The following DOCK3 variants were observed in gnomAD, a reference collection of about 807,000 sequenced individuals.
The protein encoded by DOCK3 is dedicator of cytokinesis 3.
DOCK3 carries 60 observed loss-of-function variants against 265.6 expected under a neutral mutation model. That is an observed-to-expected ratio of 0.23 (90% CI 0.18 to 0.28). DOCK3 has a LOEUF of 0.28. Among genes scored for constraint, DOCK3 ranks in the 10% least tolerant of loss-of-function variants. The pLI, the probability that DOCK3 is intolerant of heterozygous loss-of-function variation, is 1.00. For missense variants in DOCK3, 1,981 were observed against 2,594.3 expected (o/e 0.76, Z 5.14); for synonymous variants, 881 against 938.0 (o/e 0.94, Z 1.11).
At chr3:50,783,950 C>CTCCG (rs2042055234) in intron 2 of DOCK3, among the ~76,000 whole-genome samples, 1 of 151,736 alleles carries the variant, frequency 6.6e-6, no homozygotes, top group South Asian at 2.1e-4. Context: ...TCACCGCAAC[C>CTCCG]TCCGCCTCCC....
intron 1 of DOCK3, among the ~76,000 whole-genome samples, chr3:50,769,553 G>T (rs1467121949): frequency 6.6e-6 from 1 of 152,124 alleles, no homozygotes; most frequent in African/African-American, 2.4e-5. Flanking sequence ...GTTCACACCT[G>T]TAATCCTAGC....
intron 1 of DOCK3, among the ~76,000 whole-genome samples, chr3:50,750,865 C>A (rs1391096405): frequency 6.6e-6 from 1 of 152,094 alleles, no homozygotes; most frequent in East Asian, 1.9e-4. Flanking sequence ...CCAAGCAAAA[C>A]ATAATTAAAA....
intron 5 of DOCK3, among the ~76,000 whole-genome samples, chr3:51,039,831 A>G (rs1379061339): frequency 6.7e-6 from 1 of 149,380 alleles, no homozygotes; most frequent in Non-Finnish European, 1.5e-5. Flanking sequence ...GAAATTCTGA[A>G]TAGAAATGTA....
intron 1 of DOCK3, among the ~76,000 whole-genome samples, chr3:50,693,360 C>CA (rs1438589877): frequency 6.6e-6 from 1 of 152,076 alleles, no homozygotes; most frequent in Non-Finnish European, 1.5e-5. Flanking sequence ...AATCAGTTAA[C>CA]ATAGGCTATC....
chr3:50,972,901 T>C (rs1271185444), intron 5 of DOCK3, among the ~76,000 whole-genome samples: 5 of 142,710 alleles, frequency 3.5e-5, no homozygotes, highest in Non-Finnish European at 7.8e-5. Flanking sequence ...TTTTTTTTTT[T>C]AATTCCATAC....
chr3:51,287,513 T>C (rs1344272216), intron 27 of DOCK3, among the ~76,000 whole-genome samples: 1 of 152,184 alleles, frequency 6.6e-6, no homozygotes, highest in Non-Finnish European at 1.5e-5. Flanking sequence ...TGTACCACAG[T>C]TCTCCCACGT....
At chr3:50,795,293 G>A (rs923045956) in intron 2 of DOCK3, among the ~76,000 whole-genome samples, 1 of 152,144 alleles carries the variant, frequency 6.6e-6, no homozygotes, top group African/African-American at 2.4e-5. Context: ...GTTGGAGGAA[G>A]CTCTCATTGT....
intron 21 of DOCK3, 147 bp from the exon 22 acceptor site, chr3:51,246,579 T>C (rs2078853384): frequency 1.5e-6 from 1 of 672,012 alleles, no homozygotes; most frequent in Non-Finnish European, 2.6e-6. Flanking sequence ...GTGACCTGAA[T>C]AGTCCAAAGC....
intron 9 of DOCK3, among the ~76,000 whole-genome samples, chr3:51,124,258 C>T (rs959499096): frequency 7.2e-5 from 11 of 152,156 alleles, no homozygotes; most frequent in African/African-American, 2.7e-4. Flanking sequence ...AGTACAGGGT[C>T]CTTTGTCTCA....
At chr3:50,957,672 C>T (rs2076766077) in intron 5 of DOCK3, among the ~76,000 whole-genome samples, 1 of 152,170 alleles carries the variant, frequency 6.6e-6, no homozygotes, top group African/African-American at 2.4e-5. Flanking sequence ...ATCTATGACA[C>T]TCAGGTAAAT....
At chr3:51,181,422 A>G (rs894272678) in intron 12 of DOCK3, among the ~76,000 whole-genome samples, 3 of 151,868 alleles carry the variant, frequency 2.0e-5, no homozygotes, top group Non-Finnish European at 4.4e-5. Flanking sequence ...TTTGCTGAGA[A>G]TGATGGTTTC....
chr3:51,215,353 C>T (rs966710948), intron 14 of DOCK3, among the ~76,000 whole-genome samples: 2 of 152,108 alleles, frequency 1.3e-5, no homozygotes, highest in African/African-American at 4.8e-5. Flanking sequence ...TGATCCAGTA[C>T]TGGCATACTG....
At chr3:51,085,396 C>T (rs1331907244) in intron 7 of DOCK3, among the ~76,000 whole-genome samples, 1 of 152,120 alleles carries the variant, frequency 6.6e-6, no homozygotes, top group African/African-American at 2.4e-5. Context: ...ATGGAACATA[C>T]TCCAGGATAC....
chr3:50,947,656 A>G (rs1291754468), intron 5 of DOCK3, among the ~76,000 whole-genome samples: 2 of 152,118 alleles, frequency 1.3e-5, no homozygotes, highest in African/African-American at 4.8e-5. Context: ...GCATTAGGTC[A>G]GTTAATGAAA....
At chr3:51,144,455 C>T (rs2085204470) in intron 9 of DOCK3, among the ~76,000 whole-genome samples, 1 of 152,192 alleles carries the variant, frequency 6.6e-6, no homozygotes, top group African/African-American at 2.4e-5. Context: ...ACCAGTGCAA[C>T]ATCTCACCAT....
At chr3:51,341,011 T>C (rs1008405705) in intron 37 of DOCK3, among the ~76,000 whole-genome samples, 12 of 152,200 alleles carry the variant, frequency 7.9e-5, no homozygotes, top group Non-Finnish European at 1.5e-5. Context: ...GACCAGGCCA[T>C]GGAAGGAAGG....
Position 50,932,359 on chromosome 3 carries a change from T to G in DOCK3, c.219-1622T>G, listed in dbSNP as rs188299606. Among the ~76,000 whole-genome samples, 18 of 152,324 alleles carry G rather than the reference T, an allele frequency of 1.2e-4. 1 individual carries two copies. Among genetic ancestry groups the G allele is most frequent in the Admixed American group, 1.2e-3 (18 of 15,304 alleles). ...TCTTGTGGAAACAAATAATACTTGATGCTAATTTTGTGGAATACATTTTCC... is the reference window on the plus strand; with the variant it reads ...TCTTGTGGAAACAAATAATACTTGAGGCTAATTTTGTGGAATACATTTTCC... On this transcript the variant is annotated intron_variant, in intron 4 of 52. Transcript: ENST00000266037.
intron 27 of DOCK3, among the ~76,000 whole-genome samples, chr3:51,297,322 GA>G (rs2082144110): frequency 6.6e-6 from 1 of 151,882 alleles, no homozygotes; most frequent in South Asian, 2.1e-4. Flanking sequence ...AACAACAAAA[GA>G]AAAAAATAGG....
intron 5 of DOCK3, among the ~76,000 whole-genome samples, chr3:51,018,463 TA>T (rs1296995763): frequency 1.4e-3 from 189 of 138,166 alleles, no homozygotes; most frequent in Admixed American, 2.2e-3. Context: ...TAAGTAAAAT[TA>T]AAAAAAAAAA....
Sources: allele counts gnomAD v4.1 joint callset (sites outside exome capture counted in the v4.1 genomes callset), GRCh38; gene constraint gnomAD v4.1.1; transcripts MANE v1.5; gene names NCBI Gene and HGNC (gene_info 2026-07-23, HGNC 2026-07-21).